Variants in TNFSF4 observed in about 807,000 individuals in gnomAD.
TNFSF4 encodes the protein tumor necrosis factor ligand superfamily member 4.
A neutral mutation model predicts 7.3 loss-of-function variants in TNFSF4; 4 were observed. The observed-to-expected ratio is 0.55, with a 90% CI of 0.27 to 1.25. The LOEUF (loss-of-function observed/expected upper bound fraction) is 1.25. Ranked by LOEUF, TNFSF4 falls within the 50% of genes most tolerant of loss-of-function variation. The pLI, the probability that TNFSF4 is intolerant of heterozygous loss-of-function variation, is 0.12. For missense variants in TNFSF4, 181 were observed against 208.8 expected (o/e 0.87, Z 0.82); for synonymous variants, 76 against 83.7 (o/e 0.91, Z 0.50).
At chr1:173,289,062 A>C in the TNFSF4 span, among the ~76,000 whole-genome samples, 1 of 152,122 alleles carries the variant, frequency 6.6e-6, no homozygotes, top group African/African-American at 2.4e-5. Flanking sequence ...ACTAAGTTTA[A>C]GAGACAGAAA....
At chr1:173,302,257 T>A in the TNFSF4 span, among the ~76,000 whole-genome samples, 1 of 151,886 alleles carries the variant, frequency 6.6e-6, no homozygotes, top group Non-Finnish European at 1.5e-5. Context: ...ACTTTGACAC[T>A]CATTTATCCA....
the TNFSF4 span, among the ~76,000 whole-genome samples, chr1:173,229,004 C>G: frequency 6.6e-6 from 1 of 152,230 alleles, no homozygotes; most frequent in Non-Finnish European, 1.5e-5. Context: ...GGGAAACACT[C>G]TGCAGAATAT....
chr1:173,183,453 AGGTT>A (rs1294042098), downstream of TNFSF4, among the ~76,000 whole-genome samples: 1 of 152,212 alleles, frequency 6.6e-6, no homozygotes, highest in East Asian at 1.9e-4. Flanking sequence ...GTTAGAAATA[AGGTT>A]CTGAGGAAAG....
the TNFSF4 span, among the ~76,000 whole-genome samples, chr1:173,218,984 A>C: frequency 6.6e-5 from 10 of 152,192 alleles, no homozygotes; most frequent in Non-Finnish European, 8.8e-5. Context: ...TGGGCAGAGG[A>C]TGAGAGCCAA....
At chr1:173,421,692 A>T in the TNFSF4 span, among the ~76,000 whole-genome samples, 2 of 151,970 alleles carry the variant, frequency 1.3e-5, no homozygotes, top group African/African-American at 4.8e-5. Context: ...AAAAATGAAA[A>T]TCCCCCTTAT....
chr1:173,331,413 C>T, the TNFSF4 span, among the ~76,000 whole-genome samples: 2 of 152,112 alleles, frequency 1.3e-5, no homozygotes, highest in East Asian at 1.9e-4. Context: ...AGGAAGTGAA[C>T]ACATTTAATT....
the TNFSF4 span, among the ~76,000 whole-genome samples, chr1:173,303,118 C>G: frequency 6.6e-6 from 1 of 151,908 alleles, no homozygotes; most frequent in Non-Finnish European, 1.5e-5. Flanking sequence ...GAGCCACACT[C>G]TCTTACAGAC....
the TNFSF4 span, chr1:173,440,368 C>A: frequency 1.3e-5 from 2 of 151,844 alleles, no homozygotes; most frequent in South Asian, 4.2e-4. Context: ...TAATTAAACC[C>A]ATCCAGATTG....
chr1:173,385,210 T>A, the TNFSF4 span, among the ~76,000 whole-genome samples: 1 of 152,234 alleles, frequency 6.6e-6, no homozygotes, highest in African/African-American at 2.4e-5. Flanking sequence ...ATTATACCAA[T>A]TATTATGAAA....
the TNFSF4 span, among the ~76,000 whole-genome samples, chr1:173,274,607 T>G: frequency 8.5e-5 from 13 of 152,184 alleles, no homozygotes; most frequent in East Asian, 2.5e-3. Context: ...ATAGGGACAT[T>G]ATCCAGGTGG....
chr1:173,395,147 G>T, the TNFSF4 span, among the ~76,000 whole-genome samples: 2 of 151,220 alleles, frequency 1.3e-5, no homozygotes, highest in Non-Finnish European at 2.9e-5. Flanking sequence ...TCTGAGATTG[G>T]TTCTAAGGGA....
chr1:173,254,963 C>T, the TNFSF4 span, among the ~76,000 whole-genome samples: 1 of 152,170 alleles, frequency 6.6e-6, no homozygotes, highest in Non-Finnish European at 1.5e-5. Flanking sequence ...CTTGGCTGCA[C>T]ATTAAAGACA....
chr1:173,259,495 T>C, the TNFSF4 span, among the ~76,000 whole-genome samples: 1 of 152,178 alleles, frequency 6.6e-6, no homozygotes, highest in Non-Finnish European at 1.5e-5. Context: ...GAGGCTGAGA[T>C]GCATAAACTG....
At chr1:173,235,917 A>C in the TNFSF4 span, among the ~76,000 whole-genome samples, 2 of 152,066 alleles carry the variant, frequency 1.3e-5, no homozygotes, top group Non-Finnish European at 2.9e-5. Flanking sequence ...CTTCCACTCC[A>C]TTTATTTTAT....
the TNFSF4 span, among the ~76,000 whole-genome samples, chr1:173,429,489 G>A: frequency 6.6e-6 from 1 of 152,176 alleles, no homozygotes; most frequent in Non-Finnish European, 1.5e-5. Context: ...AGGGGACCCC[G>A]TCCTTTGTTA....
chr1:173,342,793 G>A, the TNFSF4 span, among the ~76,000 whole-genome samples: 1 of 152,224 alleles, frequency 6.6e-6, no homozygotes, highest in African/African-American at 2.4e-5. Flanking sequence ...TAGCTCTGCA[G>A]AAGAGCCTTG....
At chr1:173,331,924 GAC>G in the TNFSF4 span, among the ~76,000 whole-genome samples, 1 of 152,172 alleles carries the variant, frequency 6.6e-6, no homozygotes, top group Non-Finnish European at 1.5e-5. Flanking sequence ...AATATCTGGA[GAC>G]ATTTTTGGTT....
At chr1:173,420,259 C>G in the TNFSF4 span, among the ~76,000 whole-genome samples, 1 of 152,250 alleles carries the variant, frequency 6.6e-6, no homozygotes, top group East Asian at 1.9e-4. Context: ...AGCTTCTCCC[C>G]TCTCAGACTC....
the TNFSF4 span, among the ~76,000 whole-genome samples, chr1:173,316,918 C>T: frequency 1.3e-5 from 2 of 152,052 alleles, no homozygotes; most frequent in Non-Finnish European, 2.9e-5. Flanking sequence ...GACTATGATC[C>T]ATCTGGAATA....
Sources: gnomAD v4.1 joint callset for allele counts (sites outside exome capture counted in the v4.1 genomes callset) on GRCh38, gnomAD v4.1.1 for gene constraint, MANE v1.5 for transcripts, NCBI Gene and HGNC (gene_info 2026-07-23, HGNC 2026-07-21) for gene names.